The following PCDHA3 variants were observed in gnomAD, a reference collection of about 807,000 sequenced individuals.
The protein encoded by PCDHA3 is protocadherin alpha-3.
In PCDHA3, 41 loss-of-function variants were observed where a neutral mutation model predicts 62.2. That is an observed-to-expected ratio of 0.66 (90% CI 0.51 to 0.86). The LOEUF is 0.86. PCDHA3 is among the 40% of genes least tolerant of loss of function. The pLI is 0.00. For missense variants in PCDHA3, 1,304 were observed against 1,241.2 expected (o/e 1.05, Z -0.76); for synonymous variants, 640 against 555.4 (o/e 1.15, Z -2.14).
chr5:140,818,100 T>C (rs1361463001), intron 1 of PCDHA3, among the ~76,000 whole-genome samples: 1 of 152,252 alleles, frequency 6.6e-6, no homozygotes, highest in Non-Finnish European at 1.5e-5. Context: ...TGTGGGTTGA[T>C]AATATTTTAT....
chr5:140,889,089 A>G (rs1186785152), intron 1 of PCDHA3, among the ~76,000 whole-genome samples: 2 of 151,884 alleles, frequency 1.3e-5, no homozygotes, highest in Non-Finnish European at 2.9e-5. Flanking sequence ...AATTTTCAAA[A>G]CAATTTTTTC....
At chr5:140,814,216 G>GT (rs2126652899) in intron 1 of PCDHA3, 7,078 of 149,294 alleles carry the variant, frequency 0.047, 511 homozygotes, top group African/African-American at 0.16. Context: ...TTTACTTAGT[G>GT]TTTTTTTTTG....
intron 1 of PCDHA3, chr5:140,853,424 G>A (rs112620213): frequency 1.0e-6 from 1 of 985,928 alleles, no homozygotes; most frequent in African/African-American, 1.8e-5. Context: ...AAGCAGAAGA[G>A]ACACTTTCCT....
At chr5:140,810,656 G>A (rs1215251146) in intron 1 of PCDHA3, 1 of 143,766 alleles carries the variant, frequency 7.0e-6, no homozygotes, top group African/African-American at 2.7e-5. Context: ...TCTCTAGTCT[G>A]TTGTTTTTCT....
intron 1 of PCDHA3, among the ~76,000 whole-genome samples, chr5:140,972,752 C>A (rs1332478312): frequency 1.3e-5 from 2 of 151,214 alleles, no homozygotes; most frequent in Non-Finnish European, 2.9e-5. Context: ...CAACCTCCGC[C>A]TCCCAAGTTA....
At chr5:141,007,688 C>A (rs1554261446) in intron 3 of PCDHA3, among the ~76,000 whole-genome samples, 1 of 152,170 alleles carries the variant, frequency 6.6e-6, no homozygotes, top group Admixed American at 6.5e-5. Flanking sequence ...ATCCTACTTC[C>A]ACCTCCCTCC....
chr5:140,999,032 C>T (rs2097843779), intron 3 of PCDHA3, among the ~76,000 whole-genome samples: 1 of 152,236 alleles, frequency 6.6e-6, no homozygotes, highest in South Asian at 2.1e-4. Flanking sequence ...TTTGATACTT[C>T]GTCCAGTGTG....
At chr5:140,927,925 C>G in intron 1 of PCDHA3, 4 of 1,614,214 alleles carry the variant, frequency 2.5e-6, no homozygotes, top group Non-Finnish European at 8.5e-7. Flanking sequence ...CTTCCTGACT[C>G]TTTCGAACCC....
At chr5:140,863,871 C>T (rs2048215005) in intron 1 of PCDHA3, 1 of 171,736 alleles carries the variant, frequency 5.8e-6, no homozygotes, top group East Asian at 1.5e-4. Context: ...TGTGGTGGTG[C>T]GCACCTGTAA....
chr5:140,951,603 T>G (rs1056623799), intron 1 of PCDHA3, among the ~76,000 whole-genome samples: 2 of 152,094 alleles, frequency 1.3e-5, no homozygotes, highest in African/African-American at 4.8e-5. Flanking sequence ...CTCACTGTTA[T>G]GAGAATAGCA....
chr5:140,879,227 T>C (rs1474080938), intron 1 of PCDHA3, among the ~76,000 whole-genome samples: 5 of 152,126 alleles, frequency 3.3e-5, no homozygotes, highest in Admixed American at 6.5e-5. Flanking sequence ...GAAAAAGACA[T>C]ATACAAGAGG....
At chr5:140,876,980 C>T (rs782646541) in intron 1 of PCDHA3, 18 of 1,612,542 alleles carry the variant, frequency 1.1e-5, no homozygotes, top group Admixed American at 1.7e-5. Flanking sequence ...GGCGAGCACG[C>T]ACTGTCGAGC....
intron 1 of PCDHA3, chr5:140,823,650 G>C: frequency 6.2e-7 from 1 of 1,613,996 alleles, no homozygotes; most frequent in Non-Finnish European, 8.5e-7. Flanking sequence ...GCGTGGGGCT[G>C]TACACAGGCG....
intron 1 of PCDHA3, chr5:140,829,740 C>G: frequency 6.2e-7 from 1 of 1,613,670 alleles, no homozygotes; most frequent in Non-Finnish European, 8.5e-7. Context: ...AGCAACGTGA[C>G]GCTGCAGGTG....
intron 1 of PCDHA3, among the ~76,000 whole-genome samples, chr5:140,925,108 G>A (rs77719760): frequency 1.1e-3 from 139 of 124,762 alleles, no homozygotes; most frequent in African/African-American, 2.5e-3. Flanking sequence ...GAAGGAAGGA[G>A]GGAAGGAAGG....
At chr5:140,996,087 G>C (rs1178912945) in intron 3 of PCDHA3, among the ~76,000 whole-genome samples, 3 of 152,200 alleles carry the variant, frequency 2.0e-5, no homozygotes, top group Non-Finnish European at 4.4e-5. Flanking sequence ...GTTTTTGCTA[G>C]ATTACATGGA....
intron 1 of PCDHA3, chr5:140,841,399 G>A: frequency 6.2e-7 from 1 of 1,613,120 alleles, no homozygotes; most frequent in Non-Finnish European, 8.5e-7. Context: ...CCTGGAAGGT[G>A]GGGAGCGGCC....
chr5:140,915,209 AG>A lies in PCDHA3; in HGVS notation c.2395-63739del, dbSNP rs2077027084. On this transcript the variant is annotated intron_variant, in intron 1 of 3. Coordinates refer to ENST00000522353, the MANE Select transcript of PCDHA3 (RefSeq NM_018906.3). ...TGATCCGCCCATCTTGGCCTCCCAAAGTGCTGGGATTACAGGCATGAGCCAC... is the reference window on the plus strand; with the variant it reads ...TGATCCGCCCATCTTGGCCTCCCAAATGCTGGGATTACAGGCATGAGCCAC... 2.6e-5 allele frequency among the ~76,000 whole-genome samples: 4 copies of A among 152,034 alleles called. No individual in the cohort carries two copies. The South Asian group carries it at 8.3e-4, about 32-fold the overall frequency.
intron 1 of PCDHA3, chr5:140,829,368 C>A (rs2150166554): frequency 1.2e-6 from 2 of 1,614,092 alleles, no homozygotes; most frequent in African/African-American, 2.7e-5. Context: ...TTGGTGGTAA[C>A]CGCGCGGGAC....
Sources: gnomAD v4.1 joint callset for allele counts (sites outside exome capture counted in the v4.1 genomes callset) on GRCh38, gnomAD v4.1.1 for gene constraint, MANE v1.5 for transcripts, NCBI Gene and HGNC (gene_info 2026-07-23, HGNC 2026-07-21) for gene names.